The following FMN2 variants were observed in gnomAD, a reference collection of about 807,000 sequenced individuals.
FMN2 encodes formin-2.
In FMN2, 51 loss-of-function variants were observed where a neutral mutation model predicts 142.3. The ratio of observed to expected loss-of-function variants is 0.36; its 90% CI spans 0.29 to 0.45. FMN2 has a LOEUF of 0.45. FMN2 is among the 20% of genes least tolerant of loss of function. The pLI is 1.00. For synonymous variants in FMN2, 882 were observed against 869.8 expected (o/e 1.01, Z -0.25); for missense variants, 1,936 against 2,122.8 (o/e 0.91, Z 1.73).
intron 7 of FMN2, among the ~76,000 whole-genome samples, chr1:240,276,172 G>T (rs952863985): frequency 2.0e-5 from 3 of 152,144 alleles, no homozygotes; most frequent in African/African-American, 7.2e-5. Context: ...AGCAGTGAAG[G>T]GCCCACCTGA....
At chr1:240,112,352 G>A (rs1466846834) in intron 1 of FMN2, among the ~76,000 whole-genome samples, 3 of 151,962 alleles carry the variant, frequency 2.0e-5, no homozygotes, top group East Asian at 3.9e-4. Flanking sequence ...GGTTGGTCTC[G>A]ATCTCTTGAC....
Position 240,323,904 on chromosome 1 carries a change from A to G in FMN2, c.4216-5172A>G, listed in dbSNP as rs1246551404. 2.6e-5 allele frequency among the ~76,000 whole-genome samples: 4 copies of G among 152,116 alleles called. No homozygotes were observed. In the East Asian group the frequency reaches 7.7e-4, roughly 29 times the overall value. On this transcript the variant is annotated intron_variant, in intron 8 of 17. Transcript: ENST00000319653. Reference sequence around the variant, plus strand: ...TCTGACTTAAGGACAGCTGATTCCCAATGGTATCTTTTGCCCTCGCAGCTC... The same window carrying G: ...TCTGACTTAAGGACAGCTGATTCCCGATGGTATCTTTTGCCCTCGCAGCTC...
chr1:240,453,183 A>T (rs564563740), intron 16 of FMN2, among the ~76,000 whole-genome samples: 1 of 152,326 alleles, frequency 6.6e-6, no homozygotes, highest in Non-Finnish European at 1.5e-5. Context: ...AGTTGCTGCC[A>T]TTATCATTAA....
At chr1:240,215,330 A>G (rs1265732145) in intron 6 of FMN2, among the ~76,000 whole-genome samples, 1 of 152,204 alleles carries the variant, frequency 6.6e-6, no homozygotes, top group East Asian at 1.9e-4. Flanking sequence ...AGCTCATATA[A>G]TGCTCCTACC....
intron 14 of FMN2, 53 bp downstream of exon 14, chr1:240,355,961 A>T (rs1672255735): frequency 2.6e-6 from 1 of 381,838 alleles, no homozygotes; most frequent in African/African-American, 6.6e-5. Flanking sequence ...CAAAAAAAAA[A>T]AAAAAAAAAA....
In FMN2 at chr1:240,286,991, G is replaced by GA. The variant is rs879792097; in HGVS notation, c.4154-7831_4154-7830insA. On this transcript the variant is annotated intron_variant, in intron 7 of 17. Coordinates refer to ENST00000319653, the MANE Select transcript of FMN2 (RefSeq NM_020066.5). ...ACTGTCAGCTCTTCTAGATGGGGGA[G>GA]TGTGTATAACTCCAGATTCCCAAAA... is the stretch of plus-strand genomic sequence containing the variant. Among the ~76,000 whole-genome samples the GA allele has an allele frequency of 4.7e-3, 715 of 152,272 alleles. 8 individuals are homozygous for GA. Among genetic ancestry groups the GA allele is most frequent in the South Asian group, 0.025 (121 of 4,822 alleles).
At chr1:240,309,617 C>T (rs143910668) in intron 8 of FMN2, among the ~76,000 whole-genome samples, 215 of 152,240 alleles carry the variant, frequency 1.4e-3, no homozygotes, top group Non-Finnish European at 2.5e-3. Flanking sequence ...TACACCCACA[C>T]CGCTGACCAA....
intron 6 of FMN2, among the ~76,000 whole-genome samples, chr1:240,249,512 A>G (rs1558392827): frequency 6.6e-6 from 1 of 152,076 alleles, no homozygotes; most frequent in African/African-American, 2.4e-5. Context: ...CTTGTAATAT[A>G]TTTTGAGGTC....
chr1:240,468,256 A>ATATGCACACACACATATACG (rs1676691802), intron 16 of FMN2, among the ~76,000 whole-genome samples: 1 of 151,884 alleles, frequency 6.6e-6, no homozygotes, highest in Non-Finnish European at 1.5e-5. Context: ...ACATATATAC[A>ATATGCACACACACATATACG]TATGCACACA....
chr1:240,414,670 A>G (rs1202742655), intron 15 of FMN2, among the ~76,000 whole-genome samples: 3 of 152,086 alleles, frequency 2.0e-5, no homozygotes, highest in Non-Finnish European at 4.4e-5. Context: ...TGTAAACTGT[A>G]TGGCAACATG....
At chr1:240,414,052 T>G (rs1289571812) in intron 15 of FMN2, among the ~76,000 whole-genome samples, 10 of 152,210 alleles carry the variant, frequency 6.6e-5, no homozygotes, top group Admixed American at 5.2e-4. Flanking sequence ...ATGTGATGAT[T>G]ATTATTTTCT....
At chr1:240,418,475 G>A (rs1186859111) in intron 15 of FMN2, among the ~76,000 whole-genome samples, 13 of 152,102 alleles carry the variant, frequency 8.5e-5, no homozygotes, top group South Asian at 2.1e-4. Context: ...GATTACAGGC[G>A]TGAGCCACCA....
chr1:240,296,815 G>A (rs1670005442), intron 8 of FMN2, among the ~76,000 whole-genome samples: 1 of 152,174 alleles, frequency 6.6e-6, no homozygotes, highest in Non-Finnish European at 1.5e-5. Flanking sequence ...GTGAGCATAA[G>A]CATTCAGTGA....
intron 3 of FMN2, among the ~76,000 whole-genome samples, chr1:240,180,639 T>C (rs934098037): frequency 6.8e-6 from 1 of 147,436 alleles, no homozygotes; most frequent in Non-Finnish European, 1.5e-5. Flanking sequence ...CCATCTCGGC[T>C]CACTGCAACC....
chr1:240,153,263 C>G (rs1461540061), intron 2 of FMN2, among the ~76,000 whole-genome samples: 1 of 151,928 alleles, frequency 6.6e-6, no homozygotes, highest in East Asian at 1.9e-4. Context: ...ATGCTAGAGC[C>G]ATTTTATCAT....
intron 13 of FMN2, among the ~76,000 whole-genome samples, chr1:240,349,950 C>T (rs1046731599): frequency 8.5e-5 from 10 of 117,800 alleles, no homozygotes; most frequent in South Asian, 2.5e-4. Flanking sequence ...TTGTAGTGTT[C>T]GGTATTTTTT....
chr1:240,432,129 G>A (rs996234092), intron 15 of FMN2, among the ~76,000 whole-genome samples: 2 of 151,776 alleles, frequency 1.3e-5, no homozygotes, highest in African/African-American at 4.8e-5. Context: ...AGATAAATTT[G>A]ATTACCAGTT....
chr1:240,295,994 TC>T (rs1348034083), intron 8 of FMN2, among the ~76,000 whole-genome samples: 6 of 152,176 alleles, frequency 3.9e-5, no homozygotes, highest in African/African-American at 1.4e-4. Context: ...GATTTGCATT[TC>T]TCTGATGAAC....
At chr1:240,198,341 T>G (rs1373168967) in intron 4 of FMN2, among the ~76,000 whole-genome samples, 1 of 152,160 alleles carries the variant, frequency 6.6e-6, no homozygotes, top group African/African-American at 2.4e-5. Flanking sequence ...ACTTTAACCT[T>G]CCCATCGTAT....
Sources: gnomAD v4.1 joint callset for allele counts (sites outside exome capture counted in the v4.1 genomes callset) on GRCh38, gnomAD v4.1.1 for gene constraint, MANE v1.5 for transcripts, NCBI Gene and HGNC (gene_info 2026-07-23, HGNC 2026-07-21) for gene names.